The following EIF4G1 variants were observed in gnomAD, a reference collection of about 807,000 sequenced individuals.
EIF4G1 encodes eukaryotic translation initiation factor 4 gamma 1, also known as EIF4-gamma.
EIF4G1 carries 4 observed loss-of-function variants against 187.8 expected under a neutral mutation model. The ratio of observed to expected loss-of-function variants is 0.02; its 90% CI spans 0.01 to 0.05. EIF4G1 has a LOEUF of 0.05. Ranked by LOEUF, EIF4G1 falls within the 10% of genes least tolerant of loss-of-function variation. The pLI, the probability that EIF4G1 is intolerant of heterozygous loss-of-function variation, is 1.00. For synonymous variants in EIF4G1, 844 were observed against 781.4 expected (o/e 1.08, Z -1.34); for missense variants, 1,647 against 2,081.1 (o/e 0.79, Z 4.06).
chr3:184,332,713 A>G (rs890046316), intron 32 of EIF4G1, among the ~76,000 whole-genome samples: 2 of 151,998 alleles, frequency 1.3e-5, no homozygotes, highest in East Asian at 3.9e-4. Context: ...GAGGGGGAGA[A>G]TGTTTGAAGC....
chr3:184,325,037 C>T lies in EIF4G1; in HGVS notation c.2779C>T (p.His927Tyr). 3 of 1,614,196 alleles carry T rather than the reference C, an allele frequency of 1.9e-6. No individual in the cohort carries two copies. Among genetic ancestry groups the T allele is most frequent in the Non-Finnish European group, 2.5e-6 (3 of 1,180,042 alleles). Residue 927 changes from histidine (H) to tyrosine (Y), a missense_variant, in exon 18 of 33, where the codon CAT becomes TAT. Around this residue, in one of 11 missense-constraint regions of EIF4G1, gnomAD observed 142 missense variants for 296.6 expected, o/e 0.48. Coordinates refer to ENST00000346169, the MANE Select transcript of EIF4G1 (RefSeq NM_198241.3). The surrounding 1 kb of genome is among the most constrained non-coding windows in gnomAD (Gnocchi z 5.2). The stretch of plus-strand genomic sequence containing the variant: ...CTGTGTGGTCAAACTGCTTAAGAAC[C>T]ATGATGAAGAGTCCCTTGAGTGCCT... ...HDCVVKLLKN[H>Y]DEESLECLCR...
intron 17 of EIF4G1, 98 bp downstream of exon 17, chr3:184,324,445 C>T: frequency 6.4e-7 from 1 of 1,571,738 alleles, no homozygotes; most frequent in Non-Finnish European, 8.7e-7. Context: ...GTAGTGGTGT[C>T]TTGGGGATTT....
intron 22 of EIF4G1, 22 bp downstream of exon 22, chr3:184,326,651 C>A: frequency 6.2e-7 from 1 of 1,606,054 alleles, no homozygotes. Flanking sequence ...GTGTCAGGAG[C>A]TGGGTGGTTA....
At chr3:184,328,224 C>G (rs1725330210) in intron 26 of EIF4G1, 1 of 570,878 alleles carries the variant, frequency 1.8e-6, no homozygotes. Flanking sequence ...TGGTGAAACC[C>G]TGTCTCTACT....
Position 184,323,986 on chromosome 3 carries a change from C to A in EIF4G1, c.2472+9C>A. 6.2e-7 allele frequency: 1 copy of A among 1,613,452 alleles called. No individual in the cohort carries two copies. Among genetic ancestry groups the A allele is most frequent in the Non-Finnish European group, 8.5e-7 (1 of 1,180,028 alleles). Reference sequence around the variant, plus strand: ...GCCGCTGCCTCATGGCGGTTAGTTTCCAGTGGGTTCTAAATCTAATGGTCT... The same window carrying A: ...GCCGCTGCCTCATGGCGGTTAGTTTACAGTGGGTTCTAAATCTAATGGTCT... On this transcript the variant is annotated intron_variant, in intron 16 of 32. Coordinates refer to ENST00000346169, the MANE Select transcript of EIF4G1 (RefSeq NM_198241.3). The surrounding 1 kb of genome is among the most constrained non-coding windows in gnomAD (Gnocchi z 6.9).
chr3:184,328,817 T>TG, intron 27 of EIF4G1, 61 bp downstream of exon 27: 2 of 1,613,974 alleles, frequency 1.2e-6, no homozygotes, highest in Non-Finnish European at 1.7e-6. Flanking sequence ...GGTAGGGAAA[T>TG]GGCTGGGTTG....
At chr3:184,331,191 G>T in intron 28 of EIF4G1, 75 bp from the exon 29 acceptor site, 3 of 1,482,150 alleles carry the variant, frequency 2.0e-6, no homozygotes, top group Non-Finnish European at 2.8e-6. Context: ...ATATTTGTTG[G>T]ATTAATGTGG....
intron 3 of EIF4G1, 25 bp from the exon 4 acceptor site, chr3:184,316,107 C>T (rs1722730671): frequency 6.2e-7 from 1 of 1,614,020 alleles, no homozygotes; most frequent in Non-Finnish European, 8.5e-7. Context: ...TCCCCTCTTG[C>T]TGAACTCTGG....
chr3:184,326,517 T>C lies in EIF4G1; in HGVS notation c.3223-10T>C. Reference sequence around the variant, plus strand: ...TGGACCTATGATTCTACTCCCCTTTTCTTCTTCAGCCTGGCTCCATCGATT... The same window carrying C: ...TGGACCTATGATTCTACTCCCCTTTCCTTCTTCAGCCTGGCTCCATCGATT... On this transcript the variant is annotated splice_polypyrimidine_tract_variant and intron_variant, in intron 21 of 32. Coordinates refer to ENST00000346169, the MANE Select transcript of EIF4G1 (RefSeq NM_198241.3). 1 of 1,613,720 alleles carries C rather than the reference T, an allele frequency of 6.2e-7. No homozygotes were observed. Among genetic ancestry groups the C allele is most frequent in the Non-Finnish European group, 8.5e-7 (1 of 1,179,778 alleles).
At chr3:184,322,757 G>A in intron 12 of EIF4G1, 27 bp downstream of exon 12, 1 of 1,614,214 alleles carries the variant, frequency 6.2e-7, no homozygotes, top group East Asian at 2.2e-5. Flanking sequence ...GTTGAGAATG[G>A]CTTGAGTTTT....
intron 30 of EIF4G1, 36 bp downstream of exon 30, chr3:184,331,642 G>C (rs759168683): frequency 1.3e-6 from 1 of 777,124 alleles, no homozygotes; most frequent in Non-Finnish European, 2.1e-6. Context: ...AGGAAAGGTA[G>C]TTCTTAGGGT....
intron 1 of EIF4G1, 127 bp from the exon 2 acceptor site, chr3:184,315,362 G>C (rs1444511081): frequency 1.9e-6 from 1 of 521,132 alleles, no homozygotes; most frequent in Non-Finnish European, 3.8e-6. Flanking sequence ...GGGTGGGGAC[G>C]CCACGGCCGA....
Position 184,326,639 on chromosome 3 carries a change from C to T in EIF4G1, c.3325+10C>T. The T allele has an allele frequency of 6.2e-7, 1 of 1,607,856 alleles. No individual in the cohort carries two copies. The highest frequency in any genetic ancestry group is 8.5e-7 in the Non-Finnish European group (1 of 1,179,938). On this transcript the variant is annotated intron_variant, in intron 22 of 32. Transcript: ENST00000346169. ...AAGCCCTCAGACGCAGGTATGGAGG[C>T]AGTGTCAGGAGCTGGGTGGTTACCC...
Position 184,327,397 on chromosome 3 carries a change from C to T in EIF4G1, c.3610C>T (p.Leu1204=). 1 of 1,613,618 alleles carries T rather than the reference C, an allele frequency of 6.2e-7. No individual in the cohort carries two copies. The highest frequency in any genetic ancestry group is 8.5e-7 in the Non-Finnish European group (1 of 1,180,002). Residue 1204 remains leucine (L), a synonymous_variant, in exon 24 of 33, where the codon CTG becomes TTG. Coordinates refer to ENST00000346169, the MANE Select transcript of EIF4G1 (RefSeq NM_198241.3). ...SRERPSQPEG[L]RKAASLTEDR... ...AGAACGGCCCTCCCAGCCTGAGGGG[C>T]TGCGCAAGGCAGCTAGCCTCACGGA...
At position 184,320,699 on chromosome 3, in the gene EIF4G1, G is replaced by A; in HGVS notation, c.607G>A (p.Ala203Thr). Residue 203 changes from alanine (A) to threonine (T), a missense_variant, in exon 8 of 33, where the codon GCC (alanine) becomes ACC (threonine). Physicochemically the swap from Ala to Thr is moderately conservative, Grantham distance 58. Around this residue, in one of 11 missense-constraint regions of EIF4G1, gnomAD observed 18 missense variants for 22.5 expected, o/e 0.80. Coordinates refer to ENST00000346169, the MANE Select transcript of EIF4G1 (RefSeq NM_198241.3). ...GGAGATCATGTCTGGGGCCCGCACT[G>A]CCTCCACACCCACCCCTCCCCAGGT... is the stretch of plus-strand genomic sequence containing the variant. The part of the protein sequence containing the change: ...TEEIMSGART[A>T]STPTPPQTGG... The A allele has an allele frequency of 1.9e-6, 3 of 1,614,122 alleles. No individual in the cohort carries two copies. Among genetic ancestry groups the A allele is most frequent in the South Asian group, 1.1e-5 (1 of 91,078 alleles).
At chr3:184,326,497 CTA>C (rs1299900406) in intron 21 of EIF4G1, 28 bp from the exon 22 acceptor site, 2 of 1,613,010 alleles carry the variant, frequency 1.2e-6, no homozygotes. Context: ...CGGGTTGGAC[CTA>C]TGATTCTACT....
In EIF4G1 at chr3:184,327,441, G is replaced by A. The variant is rs764872385; in HGVS notation, c.3654G>A (p.Arg1218=). 3 of 1,613,464 alleles carry A rather than the reference G, an allele frequency of 1.9e-6. No homozygotes were observed. The highest frequency in any genetic ancestry group is 1.3e-5 in the African/African-American group (1 of 74,946). The change falls in exon 24 of 33, where the codon CGG becomes CGA. Residue 1218 remains arginine, a synonymous_variant. Coordinates refer to ENST00000346169, the MANE Select transcript of EIF4G1 (RefSeq NM_198241.3). ...ASLTEDRDRG[R]DAVKREAALP... ...TCACGGAGGATCGGGACCGTGGGCGGGATGCCGGTGAGAGTCTGGGAGAGG... is the reference window on the plus strand; with the variant it reads ...TCACGGAGGATCGGGACCGTGGGCGAGATGCCGGTGAGAGTCTGGGAGAGG...
chr3:184,326,319 C>T (rs112401862), intron 21 of EIF4G1, among the ~76,000 whole-genome samples: 4 of 152,314 alleles, frequency 2.6e-5, no homozygotes, highest in South Asian at 2.1e-4. Context: ...TATTGGAACA[C>T]AGTCACAGCA....
At chr3:184,322,130 A>G in intron 10 of EIF4G1, 27 bp downstream of exon 10, 2 of 1,614,026 alleles carry the variant, frequency 1.2e-6, no homozygotes, top group Non-Finnish European at 1.7e-6. Flanking sequence ...CGGTAGAGGT[A>G]GGGCGGGCTA....
Sources: allele counts gnomAD v4.1 joint callset (sites outside exome capture counted in the v4.1 genomes callset), GRCh38; gene constraint gnomAD v4.1.1; regional missense constraint gnomAD v4.1.1; non-coding constraint Gnocchi (gnomAD v3.1); transcripts MANE v1.5; gene names NCBI Gene and HGNC (gene_info 2026-07-23, HGNC 2026-07-21).